The following SPATA6 variants were observed in gnomAD, a reference collection of about 807,000 sequenced individuals.
SPATA6 encodes spermatogenesis-associated protein 6.
In SPATA6, 56 loss-of-function variants were observed where a neutral mutation model predicts 65.3. That is an observed-to-expected ratio of 0.86 (90% CI 0.69 to 1.07). The LOEUF (loss-of-function observed/expected upper bound fraction) is 1.07, where lower values mean the gene tolerates loss of function less well. SPATA6 is among the 50% of genes least tolerant of loss of function. The pLI is 0.00. For synonymous variants in SPATA6, 199 were observed against 213.2 expected (o/e 0.93, Z 0.58); for missense variants, 590 against 594.8 (o/e 0.99, Z 0.08).
intron 11 of SPATA6, among the ~76,000 whole-genome samples, chr1:48,328,872 A>G (rs1010453009): frequency 6.6e-6 from 1 of 152,188 alleles, no homozygotes; most frequent in Non-Finnish European, 1.5e-5. Flanking sequence ...AAAGAGGGTA[A>G]ATAATTCATT....
At chr1:48,452,267 G>A (rs1366618533) in intron 2 of SPATA6, among the ~76,000 whole-genome samples, 1 of 152,000 alleles carries the variant, frequency 6.6e-6, no homozygotes, top group Non-Finnish European at 1.5e-5. Context: ...AGGAAGGAAA[G>A]AAAGTGAGAA....
chr1:48,329,398 A>C (rs1333193585), intron 11 of SPATA6, among the ~76,000 whole-genome samples: 1 of 152,366 alleles, frequency 6.6e-6, no homozygotes, highest in Admixed American at 6.5e-5. Flanking sequence ...AACTTTCAGC[A>C]TAAGTTAATG....
At chr1:48,358,501 C>T (rs1646717780) in intron 10 of SPATA6, among the ~76,000 whole-genome samples, 1 of 151,870 alleles carries the variant, frequency 6.6e-6, no homozygotes, top group Admixed American at 6.6e-5. Flanking sequence ...ACCTAATCAA[C>T]AAAATCACAA....
chr1:48,469,702 A>G (rs1658086057), intron 1 of SPATA6, among the ~76,000 whole-genome samples: 1 of 152,018 alleles, frequency 6.6e-6, no homozygotes, highest in Admixed American at 6.6e-5. Context: ...CAAAATGAAG[A>G]TGTTAAAAAT....
At position 48,305,836 on chromosome 1, in the gene SPATA6, T is replaced by C. The variant is rs748088058; in HGVS notation, c.1237A>G (p.Arg413Gly). ...GCAGAGTCTCTACATAAAAGACTTC[T>C]TTTCAGTTCCAGTTCATCATCTTTC... ...LEKDDELELKRSLLCRDSAYD... is the reference protein window; with the variant it reads ...LEKDDELELKGSLLCRDSAYD... The change falls in exon 12 of 13, where the codon AGA becomes GGA. Residue 413 changes from arginine (R) to glycine (G), a missense_variant. By Grantham distance (125) the Arg-to-Gly change is moderately radical (BLOSUM62 -2). Transcript: ENST00000371847. 6 of 1,612,448 alleles carry C rather than the reference T, an allele frequency of 3.7e-6. 1 individual carries two copies. The South Asian group carries it at 6.6e-5, about 18-fold the overall frequency.
chr1:48,441,739 T>C (rs573500769), intron 3 of SPATA6, among the ~76,000 whole-genome samples: 22 of 152,274 alleles, frequency 1.4e-4, no homozygotes, highest in African/African-American at 5.1e-4. Context: ...GAAACTGATA[T>C]AGTAGCAAAA....
At chr1:48,275,580 T>C in the SPATA6 span, among the ~76,000 whole-genome samples, 6 of 152,362 alleles carry the variant, frequency 3.9e-5, no homozygotes, top group East Asian at 1.2e-3. Context: ...AGGCCTTTTC[T>C]GTATCTATTG....
At chr1:48,343,971 TA>T (rs1646291137) in intron 11 of SPATA6, among the ~76,000 whole-genome samples, 1 of 151,622 alleles carries the variant, frequency 6.6e-6, no homozygotes, top group Non-Finnish European at 1.5e-5. Context: ...TAAAAGGAAA[TA>T]AAGAATATAG....
intron 3 of SPATA6, chr1:48,436,349 T>G: frequency 6.2e-7 from 1 of 1,612,300 alleles, no homozygotes; most frequent in Non-Finnish European, 8.5e-7. Flanking sequence ...GTTTTCACTG[T>G]TGGCAGCTGG....
chr1:48,333,568 G>T (rs1284144132), intron 11 of SPATA6, among the ~76,000 whole-genome samples: 1 of 152,110 alleles, frequency 6.6e-6, no homozygotes, highest in Non-Finnish European at 1.5e-5. Flanking sequence ...GACTAATACA[G>T]TCAGGAATTA....
intron 3 of SPATA6, 96 bp from the exon 4 acceptor site, chr1:48,413,247 C>T: frequency 2.3e-6 from 1 of 434,434 alleles, no homozygotes; most frequent in Non-Finnish European, 3.9e-6. Context: ...AAAGTAATCA[C>T]TAGGTAGACT....
chr1:48,344,095 T>A (rs145957174), intron 11 of SPATA6: 1 of 152,018 alleles, frequency 6.6e-6, no homozygotes. Context: ...CCACACTGTA[T>A]AAAAAAGTCA....
chr1:48,455,287 C>T (rs1215595171), intron 1 of SPATA6, among the ~76,000 whole-genome samples: 2 of 151,890 alleles, frequency 1.3e-5, no homozygotes, highest in Non-Finnish European at 2.9e-5. Context: ...TAAAACATTT[C>T]ATTAATAACT....
At chr1:48,376,416 T>C (rs1647914919) in intron 9 of SPATA6, among the ~76,000 whole-genome samples, 1 of 152,078 alleles carries the variant, frequency 6.6e-6, no homozygotes, top group Non-Finnish European at 1.5e-5. Context: ...CAATAAATGG[T>C]ATCATCAAAC....
At chr1:48,286,308 A>G in the SPATA6 span, among the ~76,000 whole-genome samples, 2 of 152,108 alleles carry the variant, frequency 1.3e-5, no homozygotes, top group Non-Finnish European at 2.9e-5. Flanking sequence ...TAATCCATAA[A>G]CATAGGATGT....
the SPATA6 span, among the ~76,000 whole-genome samples, chr1:48,280,786 C>T: frequency 1.3e-5 from 2 of 152,146 alleles, no homozygotes; most frequent in South Asian, 2.1e-4. Flanking sequence ...CCTTCTGAAA[C>T]TATTCCAATC....
chr1:48,340,091 A>G (rs926815099), intron 11 of SPATA6, among the ~76,000 whole-genome samples: 3 of 151,970 alleles, frequency 2.0e-5, no homozygotes, highest in Admixed American at 6.6e-5. Flanking sequence ...GATGGAAGAT[A>G]TCAGATAATA....
rs1231731431 is a variant in SPATA6, at chr1:48,301,151, AC to A, written c.1287-2259del. On this transcript the variant is annotated intron_variant, in intron 12 of 12. Transcript: ENST00000371847. ...TTATTTAGAAAAACATAAAGACTCCACCAAAAAATTAAAATGAATAAACACA... is the reference window on the plus strand; with the variant it reads ...TTATTTAGAAAAACATAAAGACTCCACAAAAAATTAAAATGAATAAACACA... Among the ~76,000 whole-genome samples, 3 of 152,220 alleles carry A rather than the reference AC, an allele frequency of 2.0e-5. No homozygotes were observed. The East Asian group carries it at 5.8e-4, about 29-fold the overall frequency.
chr1:48,380,627 CAT>C (rs1648451947), intron 9 of SPATA6, among the ~76,000 whole-genome samples: 1 of 152,176 alleles, frequency 6.6e-6, no homozygotes. Context: ...ACATAATATG[CAT>C]ATGTTAGGAA....
Sources: gnomAD v4.1 joint callset for allele counts (sites outside exome capture counted in the v4.1 genomes callset) on GRCh38, gnomAD v4.1.1 for gene constraint, MANE v1.5 for transcripts, NCBI Gene and HGNC (gene_info 2026-07-23, HGNC 2026-07-21) for gene names.